RBFOX1: variants seen among roughly 807,000 people sequenced by gnomAD.
RBFOX1 encodes RNA binding fox-1 homolog 1, also known as RNA binding protein fox-1 homolog 1.
In RBFOX1, 8 loss-of-function variants were observed where a neutral mutation model predicts 57.7. That is an observed-to-expected ratio of 0.14 (90% CI 0.08 to 0.25). RBFOX1 has a LOEUF of 0.25. RBFOX1 is among the 10% of genes least tolerant of loss of function. The pLI is 1.00. For synonymous variants in RBFOX1, 326 were observed against 222.4 expected, an observed-to-expected ratio of 1.47 and a Z score of -4.15; for missense variants, 611 against 548.5, an observed-to-expected ratio of 1.11 and a Z score of -1.14.
intron 1 of RBFOX1, among the ~76,000 whole-genome samples, chr16:6,249,866 C>G (rs542901867): frequency 6.2e-4 from 93 of 150,078 alleles, no homozygotes; most frequent in African/African-American, 2.2e-3. Context: ...TGTTGGTGTG[C>G]TGCACCCAGT....
intron 3 of RBFOX1, among the ~76,000 whole-genome samples, chr16:6,904,490 A>G (rs774956948): frequency 3.3e-4 from 49 of 150,374 alleles, no homozygotes; most frequent in Middle Eastern, 3.2e-3. Context: ...AATCCCAGCT[A>G]CTCGGGAGGC....
intron 1 of RBFOX1, among the ~76,000 whole-genome samples, chr16:5,365,033 G>C (rs1477276860): frequency 6.6e-6 from 1 of 152,182 alleles, no homozygotes; most frequent in African/African-American, 2.4e-5. Flanking sequence ...GAATGCGAAA[G>C]ACTTATTTGA....
chr16:6,865,630 A>C (rs997810775), intron 3 of RBFOX1, among the ~76,000 whole-genome samples: 5 of 152,208 alleles, frequency 3.3e-5, no homozygotes, highest in African/African-American at 1.2e-4. Flanking sequence ...CTATGGACTG[A>C]GATGTATTCT....
intron 3 of RBFOX1, among the ~76,000 whole-genome samples, chr16:6,808,811 A>G (rs750531632): frequency 1.3e-5 from 2 of 152,142 alleles, no homozygotes; most frequent in South Asian, 2.1e-4. Context: ...ATAACATACA[A>G]TATCTCTAAT....
chr16:6,310,832 C>T (rs1043081338), intron 1 of RBFOX1, among the ~76,000 whole-genome samples: 4 of 151,266 alleles, frequency 2.6e-5, no homozygotes, highest in African/African-American at 9.7e-5. Flanking sequence ...TGGCATGATT[C>T]ACTGTGCTTG....
chr16:5,431,973 T>A (rs562368525), intron 1 of RBFOX1, among the ~76,000 whole-genome samples: 5 of 151,972 alleles, frequency 3.3e-5, no homozygotes, highest in Non-Finnish European at 7.4e-5. Flanking sequence ...GAGGGGGGTG[T>A]CTGCAGATCA....
At chr16:7,035,964 T>A (rs995911665) in intron 3 of RBFOX1, among the ~76,000 whole-genome samples, 1 of 152,080 alleles carries the variant, frequency 6.6e-6, no homozygotes, top group Non-Finnish European at 1.5e-5. Context: ...ACTGGAAAAT[T>A]AGAAAATGAA....
chr16:7,063,100 C>T (rs529927270), intron 4 of RBFOX1, among the ~76,000 whole-genome samples: 10 of 151,960 alleles, frequency 6.6e-5, no homozygotes, highest in Admixed American at 2.6e-4. Flanking sequence ...CTCTGTGAAT[C>T]GGCGCTGACT....
chr16:6,630,631 T>C (rs1602031125), intron 2 of RBFOX1, among the ~76,000 whole-genome samples: 1 of 152,130 alleles, frequency 6.6e-6, no homozygotes, highest in African/African-American at 2.4e-5. Flanking sequence ...GAAACCCAAT[T>C]TGGGCCCAGA....
chr16:5,360,732 G>T (rs187763898), intron 1 of RBFOX1, among the ~76,000 whole-genome samples: 1 of 152,194 alleles, frequency 6.6e-6, no homozygotes, highest in Non-Finnish European at 1.5e-5. Flanking sequence ...TAGAGATCTC[G>T]ACAGCTGCAG....
chr16:7,254,072 T>C lies in RBFOX1; in HGVS notation c.27+201974T>C, dbSNP rs1410431918. 2.6e-5 allele frequency among the ~76,000 whole-genome samples: 4 copies of C among 152,294 alleles called. No homozygotes were observed. In the East Asian group the frequency reaches 7.7e-4, roughly 30 times the overall value. ...AGTTTACTTCACTTTGGGCATTGTG[T>C]TGTTGTGCTAAGAATGCCCTTTACT... On this transcript the variant is annotated intron_variant, in intron 4 of 15. Coordinates refer to ENST00000550418, the MANE Select transcript of RBFOX1 (RefSeq NM_018723.4).
At chr16:5,551,042 G>C (rs1211878836) in intron 2 of RBFOX1, among the ~76,000 whole-genome samples, 2 of 152,132 alleles carry the variant, frequency 1.3e-5, no homozygotes, top group Non-Finnish European at 2.9e-5. Context: ...GGAACTGTGG[G>C]GAGGCAACCC....
chr16:7,227,679 C>T (rs924868284), intron 4 of RBFOX1, among the ~76,000 whole-genome samples: 7 of 152,138 alleles, frequency 4.6e-5, no homozygotes, highest in South Asian at 2.1e-4. Flanking sequence ...ATGGGTCCTT[C>T]CAGCGGGCAT....
intron 1 of RBFOX1, among the ~76,000 whole-genome samples, chr16:6,068,935 C>T (rs1391395181): frequency 2.0e-5 from 3 of 152,050 alleles, no homozygotes; most frequent in Non-Finnish European, 4.4e-5. Flanking sequence ...GGCCCGGGAA[C>T]AGGAGGGCAA....
intron 14 of RBFOX1, among the ~76,000 whole-genome samples, chr16:7,691,194 A>G (rs906903711): frequency 7.2e-6 from 1 of 139,770 alleles, no homozygotes; most frequent in Admixed American, 7.5e-5. Flanking sequence ...AAATGTCACT[A>G]TTATTGAGAA....
At chr16:5,275,930 A>G (rs1262954678) in intron 1 of RBFOX1, among the ~76,000 whole-genome samples, 3 of 152,122 alleles carry the variant, frequency 2.0e-5, no homozygotes, top group African/African-American at 7.2e-5. Context: ...AAAGCAAAGT[A>G]AGGAAAGTAC....
At chr16:6,196,198 A>G (rs949962133) in intron 1 of RBFOX1, among the ~76,000 whole-genome samples, 3 of 152,158 alleles carry the variant, frequency 2.0e-5, no homozygotes, top group African/African-American at 7.2e-5. Context: ...CAAAGAGTTA[A>G]TTCAGCCATT....
chr16:7,017,045 TTCTC>T (rs1185147867), intron 3 of RBFOX1, among the ~76,000 whole-genome samples: 1 of 152,180 alleles, frequency 6.6e-6, no homozygotes, highest in African/African-American at 2.4e-5. Context: ...TTCAGCCTCT[TTCTC>T]TTTTTTTATT....
At chr16:6,658,632 T>G (rs1182484303) in intron 3 of RBFOX1, among the ~76,000 whole-genome samples, 1 of 152,212 alleles carries the variant, frequency 6.6e-6, no homozygotes, top group African/African-American at 2.4e-5. Flanking sequence ...CTATTTTTCT[T>G]TATCCCAGAA....
Sources: allele counts gnomAD v4.1 joint callset (sites outside exome capture counted in the v4.1 genomes callset), GRCh38; gene constraint gnomAD v4.1.1; transcripts MANE v1.5; gene names NCBI Gene and HGNC (gene_info 2026-07-23, HGNC 2026-07-21).